Variants in COG6 observed in about 807,000 individuals in gnomAD.
COG6 encodes component of oligomeric golgi complex 6.
Under a neutral mutation model 88.8 loss-of-function variants are expected in COG6, and 74 were observed. The ratio of observed to expected loss-of-function variants is 0.83; its 90% CI spans 0.69 to 1.01. The LOEUF (loss-of-function observed/expected upper bound fraction) is 1.01, where lower values mean the gene tolerates loss of function less well. COG6 is among the 50% of genes least tolerant of loss of function. COG6 has a pLI of 0.00. For synonymous variants in COG6, 286 were observed against 278.7 expected (o/e 1.03, Z -0.26); for missense variants, 800 against 797.9 (o/e 1.00, Z -0.03).
chr13:39,657,015 T>C, intron 1 of COG6: 1 of 389,046 alleles, frequency 2.6e-6, no homozygotes. Flanking sequence ...AGACTGCTAC[T>C]TGCTCTGATA....
At chr13:39,660,139 G>A (rs1332956644) in intron 2 of COG6, among the ~76,000 whole-genome samples, 2 of 152,074 alleles carry the variant, frequency 1.3e-5, no homozygotes, top group African/African-American at 2.4e-5. Context: ...TTGACACCTT[G>A]GTAGGTTTTT....
At chr13:39,722,850 G>A (rs1878921240) in intron 15 of COG6, among the ~76,000 whole-genome samples, 1 of 151,944 alleles carries the variant, frequency 6.6e-6, no homozygotes, top group Non-Finnish European at 1.5e-5. Context: ...TTCCCTACTT[G>A]TCACAGACCT....
At chr13:39,687,436 CGTGAATA>C (rs1470310767) in intron 8 of COG6, 60 bp from the exon 9 acceptor site, 10 of 1,412,528 alleles carry the variant, frequency 7.1e-6, no homozygotes, top group Non-Finnish European at 1.0e-5. Flanking sequence ...TCAGAAATTG[CGTGAATA>C]GTCTGATATA....
At chr13:39,744,524 ATAACC>A (rs910285127) in intron 18 of COG6, among the ~76,000 whole-genome samples, 4 of 152,200 alleles carry the variant, frequency 2.6e-5, no homozygotes, top group African/African-American at 9.7e-5. Flanking sequence ...AGAGAATAAA[ATAACC>A]TAGGAATCCA....
chr13:39,665,000 T>G (rs978481224), intron 3 of COG6, 96 bp from the exon 4 acceptor site: 1 of 717,002 alleles, frequency 1.4e-6, no homozygotes, highest in African/African-American at 1.8e-5. Flanking sequence ...GTGATCTCAT[T>G]TGTTTTAAGT....
At chr13:39,749,411 T>G (rs1259808659) in intron 18 of COG6, among the ~76,000 whole-genome samples, 1 of 152,226 alleles carries the variant, frequency 6.6e-6, no homozygotes, top group Non-Finnish European at 1.5e-5. Flanking sequence ...TAAACAATTT[T>G]TTAAGTACAT....
intron 1 of COG6, among the ~76,000 whole-genome samples, chr13:39,657,044 T>C (rs2137935942): frequency 6.6e-6 from 1 of 152,328 alleles, no homozygotes; most frequent in East Asian, 1.9e-4. Flanking sequence ...ATGGCCTTCT[T>C]TTTTGGACAG....
intron 18 of COG6, among the ~76,000 whole-genome samples, chr13:39,737,274 A>T (rs1157933897): frequency 1.3e-5 from 2 of 152,118 alleles, no homozygotes; most frequent in Admixed American, 1.3e-4. Flanking sequence ...ATCCAAAGCA[A>T]GCATAGCATT....
intron 15 of COG6, among the ~76,000 whole-genome samples, chr13:39,721,283 T>C (rs757844655): frequency 2.0e-5 from 3 of 152,154 alleles, no homozygotes; most frequent in Non-Finnish European, 4.4e-5. Flanking sequence ...ATTAAGCTTA[T>C]TAGTTTATTC....
At chr13:39,705,806 T>C (rs370529273) in intron 13 of COG6, among the ~76,000 whole-genome samples, 1 of 152,126 alleles carries the variant, frequency 6.6e-6, no homozygotes, top group African/African-American at 2.4e-5. Flanking sequence ...TGCAGATATC[T>C]CAGGTCCTGC....
chr13:39,731,708 A>G (rs1223114792), intron 18 of COG6, among the ~76,000 whole-genome samples: 1 of 152,218 alleles, frequency 6.6e-6, no homozygotes, highest in East Asian at 1.9e-4. Flanking sequence ...GCATGTACCT[A>G]TAATGGAGTA....
intron 18 of COG6, among the ~76,000 whole-genome samples, chr13:39,748,694 C>CT (rs1204613621): frequency 6.6e-6 from 1 of 152,108 alleles, no homozygotes; most frequent in African/African-American, 2.4e-5. Flanking sequence ...CATCCCTTCC[C>CT]TTTCAGCAGA....
At chr13:39,696,126 T>C (rs542665375) in intron 12 of COG6, among the ~76,000 whole-genome samples, 2 of 151,672 alleles carry the variant, frequency 1.3e-5, no homozygotes, top group Non-Finnish European at 2.9e-5. Flanking sequence ...TTTTTCTATC[T>C]TTGAAGATGA....
At chr13:39,753,540 C>T (rs1377373465), downstream of COG6, among the ~76,000 whole-genome samples, 1 of 152,122 alleles carries the variant, frequency 6.6e-6, no homozygotes, top group Non-Finnish European at 1.5e-5. Context: ...CTTCATAATT[C>T]ACCAAGAATA....
chr13:39,680,040 C>G lies in COG6; in HGVS notation c.689C>G (p.Ala230Gly). The change falls in exon 7 of 19, where the codon GCT (alanine) becomes GGT (glycine). Residue 230 changes from alanine to glycine, a missense_variant. Transcript: ENST00000455146. ...GCTTATGAAAGACTTTACCGATGGGCTCAAAGTAAGTGATTTCTTTTATGT... is the reference window on the plus strand; with the variant it reads ...GCTTATGAAAGACTTTACCGATGGGGTCAAAGTAAGTGATTTCTTTTATGT... ...ETAYERLYRWAQSECRTLTQE... is the reference protein window; with the variant it reads ...ETAYERLYRWGQSECRTLTQE... 2 of 1,570,052 alleles carry G rather than the reference C, an allele frequency of 1.3e-6. No individual in the cohort carries two copies. Among genetic ancestry groups the G allele is most frequent in the Non-Finnish European group, 1.8e-6 (2 of 1,141,934 alleles).
chr13:39,763,698 C>T (rs1881088932), intron 18 of COG6, among the ~76,000 whole-genome samples: 1 of 151,708 alleles, frequency 6.6e-6, no homozygotes, highest in South Asian at 2.1e-4. Context: ...ATATCTGTGC[C>T]TCCCCCCTTT....
At chr13:39,665,705 C>G (rs1374361848) in intron 4 of COG6, among the ~76,000 whole-genome samples, 1 of 152,134 alleles carries the variant, frequency 6.6e-6, no homozygotes, top group Non-Finnish European at 1.5e-5. Context: ...AACTGCATCT[C>G]TCATGTGTGG....
intron 18 of COG6, among the ~76,000 whole-genome samples, chr13:39,779,255 T>G (rs1350061057): frequency 1.3e-5 from 2 of 150,118 alleles, no homozygotes; most frequent in Non-Finnish European, 3.0e-5. Context: ...TTCAGTAAGA[T>G]TAGCAATGAT....
intron 18 of COG6, among the ~76,000 whole-genome samples, chr13:39,733,348 GC>G (rs1879559777): frequency 6.6e-6 from 1 of 151,704 alleles, no homozygotes; most frequent in African/African-American, 2.4e-5. Context: ...CTGCCAATGT[GC>G]CCGGCTAATT....
Sources: allele counts gnomAD v4.1 joint callset (sites outside exome capture counted in the v4.1 genomes callset), GRCh38; gene constraint gnomAD v4.1.1; transcripts MANE v1.5; gene names NCBI Gene and HGNC (gene_info 2026-07-23, HGNC 2026-07-21).